Variants in CNTN4 observed in about 807,000 individuals in gnomAD.
The protein encoded by CNTN4 is contactin-4.
Under a neutral mutation model 122.5 loss-of-function variants are expected in CNTN4, and 77 were observed. The observed-to-expected ratio is 0.63, with a 90% CI of 0.52 to 0.76. The LOEUF (loss-of-function observed/expected upper bound fraction) is 0.76. CNTN4 is among the 30% of genes least tolerant of loss of function. CNTN4 has a pLI of 0.00. For missense variants in CNTN4, 1,256 were observed against 1,259.1 expected (o/e 1.00, Z 0.04); for synonymous variants, 512 against 447.0 (o/e 1.15, Z -1.83).
At chr3:2,915,456 C>T (rs1169977576) in intron 12 of CNTN4, among the ~76,000 whole-genome samples, 1 of 152,206 alleles carries the variant, frequency 6.6e-6, no homozygotes, top group African/African-American at 2.4e-5. Flanking sequence ...AAAAATTTTA[C>T]TTCTTTCCTT....
At chr3:2,961,310 C>G (rs975074523) in intron 13 of CNTN4, among the ~76,000 whole-genome samples, 4 of 151,016 alleles carry the variant, frequency 2.6e-5, no homozygotes, top group Admixed American at 6.6e-5. Context: ...TCACCCCAGC[C>G]AACACCTAGC....
At chr3:2,120,851 A>G (rs1173854886) in intron 2 of CNTN4, among the ~76,000 whole-genome samples, 1 of 152,158 alleles carries the variant, frequency 6.6e-6, no homozygotes, top group Non-Finnish European at 1.5e-5. Context: ...TTAATTGAAC[A>G]TTTACAGTGT....
intron 3 of CNTN4, among the ~76,000 whole-genome samples, chr3:2,521,353 C>CAG (rs2077213034): frequency 3.0e-5 from 1 of 33,572 alleles, no homozygotes; most frequent in Non-Finnish European, 5.5e-5. Flanking sequence ...TCCCCCCCAC[C>CAG]CCCCGCAATA....
rs11394928 is a variant in CNTN4, at chr3:2,838,560, T to TAAAA, written c.454+18998_454+19001dup. On this transcript the variant is annotated intron_variant, in intron 7 of 24. Transcript: ENST00000418658. The stretch of plus-strand genomic sequence containing the variant: ...TTTGCCATTCAGACCCTATGGTTTG[T>TAAAA]AAAAAAAAAAAAAAAAAAAAAATTA... Among the ~76,000 whole-genome samples, 530 of 127,908 alleles carry TAAAA rather than the reference T, an allele frequency of 4.1e-3. 3 individuals carry two copies. The highest frequency in any genetic ancestry group is 0.02 in the East Asian group (88 of 4,450). 83.9% of individuals were successfully genotyped at this position (127,908 alleles called of 152,430 possible). A position where few individuals can be genotyped will look rare whatever the true frequency, so the allele number is the denominator to read the frequency against.
intron 2 of CNTN4, among the ~76,000 whole-genome samples, chr3:2,320,435 T>G (rs1467944070): frequency 1.3e-5 from 2 of 152,178 alleles, no homozygotes; most frequent in African/African-American, 4.8e-5. Flanking sequence ...CCTTAATATT[T>G]GGCTTCATTT....
chr3:2,889,838 G>A (rs1251468038), intron 10 of CNTN4, among the ~76,000 whole-genome samples: 1 of 152,156 alleles, frequency 6.6e-6, no homozygotes, highest in Non-Finnish European at 1.5e-5. Context: ...CTGTGGGTTA[G>A]AGGTTTCCTG....
chr3:2,241,853 G>T (rs540244120), intron 2 of CNTN4, among the ~76,000 whole-genome samples: 5 of 152,132 alleles, frequency 3.3e-5, no homozygotes, highest in Admixed American at 6.5e-5. Flanking sequence ...GATTTTTCCT[G>T]AGTGTTGTGT....
chr3:2,177,676 G>C (rs963808464), intron 2 of CNTN4, among the ~76,000 whole-genome samples: 8 of 151,658 alleles, frequency 5.3e-5, no homozygotes, highest in Non-Finnish European at 1.2e-4. Flanking sequence ...GTGTGTGTGT[G>C]TGTGTGTGTG....
chr3:2,165,139 A>G (rs1248433936), intron 2 of CNTN4, among the ~76,000 whole-genome samples: 1 of 152,110 alleles, frequency 6.6e-6, no homozygotes, highest in Non-Finnish European at 1.5e-5. Flanking sequence ...CCTGGCCAAC[A>G]TGGTGAAACC....
chr3:2,404,712 A>T (rs374045219), intron 3 of CNTN4, among the ~76,000 whole-genome samples: 21 of 152,284 alleles, frequency 1.4e-4, no homozygotes, highest in East Asian at 7.7e-4. Context: ...TAATACTTAG[A>T]TCGGTATTTG....
At chr3:2,121,196 G>A (rs956041465) in intron 2 of CNTN4, among the ~76,000 whole-genome samples, 24 of 151,340 alleles carry the variant, frequency 1.6e-4, no homozygotes, top group African/African-American at 5.8e-4. Context: ...GTACAGCACT[G>A]GATATGGTGA....
At chr3:2,291,367 A>T (rs2042127903) in intron 2 of CNTN4, among the ~76,000 whole-genome samples, 1 of 152,190 alleles carries the variant, frequency 6.6e-6, no homozygotes, top group South Asian at 2.1e-4. Flanking sequence ...CCAAATTTTC[A>T]GCATCATTTA....
chr3:2,824,744 C>T (rs2092951442), intron 7 of CNTN4, among the ~76,000 whole-genome samples: 1 of 152,124 alleles, frequency 6.6e-6, no homozygotes, highest in Admixed American at 6.5e-5. Flanking sequence ...TCACTGCAAC[C>T]TCCGCCTCCT....
At chr3:2,810,227 C>T (rs144869711) in intron 6 of CNTN4, among the ~76,000 whole-genome samples, 100 of 152,254 alleles carry the variant, frequency 6.6e-4, no homozygotes, top group East Asian at 1.5e-3. Context: ...CTCAAAGAGT[C>T]GTGGTGAAGA....
intron 2 of CNTN4, chr3:2,238,804 T>G (rs148208283): frequency 9.4e-6 from 1 of 106,590 alleles, no homozygotes; most frequent in Non-Finnish European, 2.0e-5. Context: ...CTCGGCTCAC[T>G]GCAAGCTCCG....
chr3:2,473,903 T>G (rs977313627), intron 3 of CNTN4, among the ~76,000 whole-genome samples: 1 of 151,792 alleles, frequency 6.6e-6, no homozygotes, highest in Non-Finnish European at 1.5e-5. Context: ...TCTCAGCTAC[T>G]CGGGAGGCTG....
At chr3:2,956,215 A>T (rs2094798081) in intron 13 of CNTN4, among the ~76,000 whole-genome samples, 1 of 152,206 alleles carries the variant, frequency 6.6e-6, no homozygotes, top group African/African-American at 2.4e-5. Context: ...AATTGCACTT[A>T]TATGAAGTAC....
intron 3 of CNTN4, among the ~76,000 whole-genome samples, chr3:2,508,779 A>G (rs2076803893): frequency 6.6e-6 from 1 of 152,206 alleles, no homozygotes; most frequent in Non-Finnish European, 1.5e-5. Flanking sequence ...GTTTGTGGTA[A>G]CTAGTCATGT....
At chr3:2,559,685 T>C (rs1435984468) in intron 3 of CNTN4, among the ~76,000 whole-genome samples, 1 of 152,222 alleles carries the variant, frequency 6.6e-6, no homozygotes, top group Non-Finnish European at 1.5e-5. Context: ...TAGTGTGGTT[T>C]AATTTGCAGA....
Sources: allele counts gnomAD v4.1 joint callset (sites outside exome capture counted in the v4.1 genomes callset), GRCh38; gene constraint gnomAD v4.1.1; transcripts MANE v1.5; gene names NCBI Gene and HGNC (gene_info 2026-07-23, HGNC 2026-07-21).